C10orf67: variants seen among roughly 807,000 people sequenced by gnomAD.
C10orf67 encodes chromosome 10 open reading frame 67.
A neutral mutation model predicts 35.6 loss-of-function variants in C10orf67; 60 were observed. The observed-to-expected ratio is 1.68, with a 90% confidence interval of 1.37 to 2.09. C10orf67 has a LOEUF of 2.09. Ranked by LOEUF, C10orf67 falls within the 30% of genes most tolerant of loss-of-function variation. The pLI, the probability that C10orf67 is intolerant of heterozygous loss-of-function variation, is 0.00. For missense variants in C10orf67, 474 were observed against 330.2 expected, an observed-to-expected ratio of 1.44 and a Z score of -3.38; for synonymous variants, 167 against 115.8, an observed-to-expected ratio of 1.44 and a Z score of -2.84.
intron 8 of C10orf67, among the ~76,000 whole-genome samples, chr10:23,271,299 C>T (rs1843015042): frequency 6.6e-6 from 1 of 152,210 alleles, no homozygotes; most frequent in African/African-American, 2.4e-5. Flanking sequence ...TACAAAGAGA[C>T]TTAGACTCCG....
intron 5 of C10orf67, among the ~76,000 whole-genome samples, chr10:23,296,520 G>T (rs538673033): frequency 6.6e-6 from 1 of 152,330 alleles, no homozygotes; most frequent in Admixed American, 6.5e-5. Flanking sequence ...AGCTAGTCCT[G>T]TCTCTCAGTG....
chr10:23,277,949 G>A (rs1843242594), intron 8 of C10orf67, among the ~76,000 whole-genome samples: 1 of 152,184 alleles, frequency 6.6e-6, no homozygotes, highest in Non-Finnish European at 1.5e-5. Flanking sequence ...AAGGTGAAGG[G>A]GGAGCAGGTG....
chr10:23,250,751 T>C (rs1024915389), intron 10 of C10orf67, 60 bp from the exon 11 acceptor site: 15 of 397,804 alleles, frequency 3.8e-5, no homozygotes, highest in South Asian at 1.4e-4. Flanking sequence ...TGTTTCTCCA[T>C]AAATCTGAAA....
chr10:23,259,331 T>G (rs1369576966), intron 10 of C10orf67, among the ~76,000 whole-genome samples: 1 of 152,236 alleles, frequency 6.6e-6, no homozygotes, highest in Non-Finnish European at 1.5e-5. Flanking sequence ...GGTTCTTATT[T>G]AGAGTTGATA....
intron 12 of C10orf67, among the ~76,000 whole-genome samples, chr10:23,243,679 T>C (rs1446133619): frequency 7.0e-6 from 1 of 142,222 alleles, no homozygotes; most frequent in Non-Finnish European, 1.5e-5. Flanking sequence ...AAGAGCAAAA[T>C]CTCTGGCTCA....
intron 1 of C10orf67, among the ~76,000 whole-genome samples, chr10:23,343,321 G>T (rs1218835112): frequency 6.6e-6 from 1 of 152,104 alleles, no homozygotes; most frequent in East Asian, 1.9e-4. Context: ...GGGTGTGGGG[G>T]ACGTGGGGGA....
At chr10:23,270,615 G>A (rs1460058168) in intron 8 of C10orf67, among the ~76,000 whole-genome samples, 1 of 152,212 alleles carries the variant, frequency 6.6e-6, no homozygotes, top group Non-Finnish European at 1.5e-5. Context: ...TGCCTTACAG[G>A]TTAAGACCCA....
At chr10:23,271,034 C>T (rs1172381843) in intron 8 of C10orf67, among the ~76,000 whole-genome samples, 1 of 152,214 alleles carries the variant, frequency 6.6e-6, no homozygotes, top group Non-Finnish European at 1.5e-5. Context: ...ACCCCTCTCA[C>T]ATTCAAAGAA....
At chr10:23,274,387 T>C (rs1436271456) in intron 8 of C10orf67, among the ~76,000 whole-genome samples, 1 of 152,114 alleles carries the variant, frequency 6.6e-6, no homozygotes, top group African/African-American at 2.4e-5. Context: ...TCATCCCTTA[T>C]CTCAACAGCA....
At chr10:23,329,085 A>T (rs919402513) in intron 2 of C10orf67, among the ~76,000 whole-genome samples, 2 of 151,722 alleles carry the variant, frequency 1.3e-5, no homozygotes, top group Admixed American at 6.6e-5. Context: ...AAATATAGGG[A>T]AATAAATTTA....
chr10:23,325,945 A>G (rs1783804091), intron 2 of C10orf67, among the ~76,000 whole-genome samples: 2 of 152,192 alleles, frequency 1.3e-5, no homozygotes, highest in Non-Finnish European at 2.9e-5. Context: ...TAACAGAAGA[A>G]CAAAGATGGC....
chr10:23,248,733 T>C (rs1341684577), intron 12 of C10orf67, among the ~76,000 whole-genome samples: 1 of 152,132 alleles, frequency 6.6e-6, no homozygotes, highest in African/African-American at 2.4e-5. Context: ...ATATGCCACA[T>C]TGAATTAATA....
At chr10:23,253,305 A>G (rs1335703936) in intron 10 of C10orf67, among the ~76,000 whole-genome samples, 1 of 152,236 alleles carries the variant, frequency 6.6e-6, no homozygotes, top group African/African-American at 2.4e-5. Context: ...TCATCAAAAA[A>G]GTGGGGGTCA....
At chr10:23,260,732 A>G (rs2132181939) in intron 10 of C10orf67, among the ~76,000 whole-genome samples, 2 of 152,252 alleles carry the variant, frequency 1.3e-5, no homozygotes, top group East Asian at 3.9e-4. Context: ...AGAGGTTCCT[A>G]TGGATTGCAG....
intron 8 of C10orf67, among the ~76,000 whole-genome samples, chr10:23,270,453 A>T (rs1399887245): frequency 6.6e-6 from 1 of 152,198 alleles, no homozygotes; most frequent in East Asian, 1.9e-4. Flanking sequence ...TTGGCAGACT[A>T]GCTGCTCAGG....
In C10orf67 at chr10:23,320,780, C is replaced by G; in HGVS notation, c.507G>C (p.Gln169His). Residue 169 changes from glutamine to histidine, a missense_variant, in exon 4 of 16, where the codon CAG (glutamine) becomes CAC (histidine). By Grantham distance (24) the Gln-to-His change is conservative. Transcript: ENST00000636213. ...EDKMRKSFNQ[Q>H]LADAIAVIKG... ...TGATAACAGCTATGGCATCAGCTAA[C>G]TGCTGATTGAAGGATTTTCTCATCT... 1.3e-6 allele frequency: 2 copies of G among 1,592,316 alleles called. No homozygotes were observed. The highest frequency in any genetic ancestry group is 1.7e-6 in the Non-Finnish European group (2 of 1,168,796).
chr10:23,317,141 A>C (rs1209385176), intron 4 of C10orf67: 1 of 152,244 alleles, frequency 6.6e-6, no homozygotes, highest in Non-Finnish European at 1.5e-5. Flanking sequence ...CCTCCCTCCC[A>C]TGCTTGTTGG....
chr10:23,309,770 C>T (rs778225422), intron 4 of C10orf67, among the ~76,000 whole-genome samples: 22 of 152,174 alleles, frequency 1.4e-4, no homozygotes, highest in Non-Finnish European at 2.9e-4. Context: ...TGGGCTCGGC[C>T]ACTCTGGACT....
chr10:23,252,342 G>A (rs1842477232), intron 10 of C10orf67, among the ~76,000 whole-genome samples: 1 of 151,890 alleles, frequency 6.6e-6, no homozygotes, highest in Non-Finnish European at 1.5e-5. Flanking sequence ...GCCTGTCCTT[G>A]TTAATGGAAA....
Sources: gnomAD v4.1 joint callset for allele counts (sites outside exome capture counted in the v4.1 genomes callset) on GRCh38, gnomAD v4.1.1 for gene constraint, MANE v1.5 for transcripts, NCBI Gene and HGNC (gene_info 2026-07-23, HGNC 2026-07-21) for gene names.